Variants in GRIN3A observed in about 807,000 individuals in gnomAD.
GRIN3A encodes the protein glutamate receptor ionotropic, NMDA 3A.
Under a neutral mutation model 92.4 loss-of-function variants are expected in GRIN3A, and 47 were observed. That is an observed-to-expected ratio of 0.51 (90% CI 0.40 to 0.65). The LOEUF (loss-of-function observed/expected upper bound fraction) is 0.65. GRIN3A is among the 30% of genes least tolerant of loss of function. GRIN3A has a pLI of 0.00. For synonymous variants in GRIN3A, 527 were observed against 540.6 expected, an observed-to-expected ratio of 0.97 and a Z score of 0.35; for missense variants, 1,324 against 1,393.1, an observed-to-expected ratio of 0.95 and a Z score of 0.79.
At chr9:101,693,039 C>A (rs1829639791) in intron 1 of GRIN3A, among the ~76,000 whole-genome samples, 1 of 151,768 alleles carries the variant, frequency 6.6e-6, no homozygotes, top group Non-Finnish European at 1.5e-5. Context: ...AATGATCATC[C>A]CCCTTTAATA....
At chr9:101,665,796 T>A (rs1564139269) in intron 3 of GRIN3A, among the ~76,000 whole-genome samples, 1 of 151,886 alleles carries the variant, frequency 6.6e-6, no homozygotes, top group Non-Finnish European at 1.5e-5. Context: ...TTTTGAAAAA[T>A]ACTCAAAAAA....
chr9:101,670,609 C>T lies in GRIN3A; in HGVS notation c.1803G>A (p.Gly601=). The T allele has an allele frequency of 6.2e-7, 1 of 1,614,048 alleles. No individual in the cohort carries two copies. The highest frequency in any genetic ancestry group is 8.5e-7 in the Non-Finnish European group (1 of 1,179,970). Residue 601 remains glycine (G), a synonymous_variant, in exon 3 of 9, where the codon GGG becomes GGA. Transcript: ENST00000361820. ...TTTTCCATGCTCCATACTTTCCATC[C>T]CCTACAATATAGAGGTCGAAGTCAA... ...MNFDFDLYIV[G]DGKYGAWKNG...
At chr9:101,656,936 G>C (rs368248875) in intron 3 of GRIN3A, among the ~76,000 whole-genome samples, 33 of 151,844 alleles carry the variant, frequency 2.2e-4, no homozygotes, top group African/African-American at 7.5e-4. Flanking sequence ...CTGATAATTT[G>C]TGTCTTCTCC....
At chr9:101,590,675 C>T (rs576514158) in intron 6 of GRIN3A, among the ~76,000 whole-genome samples, 33 of 152,176 alleles carry the variant, frequency 2.2e-4, no homozygotes, top group African/African-American at 7.0e-4. Context: ...CCACCGCGCC[C>T]GGCCAACACT....
intron 3 of GRIN3A, among the ~76,000 whole-genome samples, chr9:101,655,351 G>T (rs1422998572): frequency 1.3e-5 from 2 of 151,852 alleles, no homozygotes; most frequent in Non-Finnish European, 1.5e-5. Flanking sequence ...TATTTGACCT[G>T]CAAGATATTC....
intron 1 of GRIN3A, among the ~76,000 whole-genome samples, chr9:101,717,906 C>A (rs889125928): frequency 6.6e-6 from 1 of 152,148 alleles, no homozygotes; most frequent in Non-Finnish European, 1.5e-5. Flanking sequence ...CTATTTATTA[C>A]AAAATCAATT....
At chr9:101,678,769 A>G (rs1829432429) in intron 2 of GRIN3A, among the ~76,000 whole-genome samples, 1 of 152,158 alleles carries the variant, frequency 6.6e-6, no homozygotes, top group South Asian at 2.1e-4. Context: ...TTGCTACATC[A>G]AGAAGTCATA....
rs1827782775 is a variant in GRIN3A, at chr9:101,573,199, C to T, written c.3323G>A (p.Arg1108Lys). 6.2e-7 allele frequency: 1 copy of T among 1,614,072 alleles called. No homozygotes were observed. The highest frequency in any genetic ancestry group is 8.5e-7 in the Non-Finnish European group (1 of 1,179,962). ...SRKTELEEYQ[R>K]TSRTCES ...CTAGGACTCACAAGTCCGACTTGTC[C>T]TTTGATACTCCTCCAGCTCCGTTTT... The change falls in exon 9 of 9, where the codon AGG (arginine) becomes AAG (lysine). Residue 1108 changes from arginine (R) to lysine (K), a missense_variant. By Grantham distance (26) the Arg-to-Lys change is conservative. Coordinates refer to ENST00000361820, the MANE Select transcript of GRIN3A (RefSeq NM_133445.3).
intron 6 of GRIN3A, among the ~76,000 whole-genome samples, chr9:101,605,709 A>T (rs1828272306): frequency 6.6e-6 from 1 of 152,196 alleles, no homozygotes; most frequent in Non-Finnish European, 1.5e-5. Context: ...CCTGCTGCGC[A>T]CTTCCCCTGA....
intron 1 of GRIN3A, among the ~76,000 whole-genome samples, chr9:101,718,431 G>A (rs1829972865): frequency 6.6e-6 from 1 of 152,166 alleles, no homozygotes; most frequent in Non-Finnish European, 1.5e-5. Context: ...GCATATGCTT[G>A]GAATAGTATT....
Position 101,570,089 on chromosome 9 carries a change from A to G in GRIN3A, c.*3085T>C, listed in dbSNP as rs879268066. 2 of 152,090 alleles carry G rather than the reference A, an allele frequency of 1.3e-5. No homozygotes were observed. The highest frequency in any genetic ancestry group is 2.9e-5 in the Non-Finnish European group (2 of 68,034). 9.4% of individuals were successfully genotyped at this position (152,090 alleles called of 1,614,324 possible). A position where few individuals can be genotyped will look rare whatever the true frequency, so the allele number is the denominator to read the frequency against. On this transcript the variant is annotated 3_prime_UTR_variant, in exon 9 of 9. Coordinates refer to ENST00000361820, the MANE Select transcript of GRIN3A (RefSeq NM_133445.3). ...GCTGCTTCACTTGGCTGTCCTGGTT[A>G]TTCTTCCAATTTGTTTTTAAATTTT... is the stretch of plus-strand genomic sequence containing the variant.
intron 6 of GRIN3A, chr9:101,594,017 A>G: frequency 5.8e-6 from 1 of 173,380 alleles, no homozygotes; most frequent in South Asian, 1.6e-4. Flanking sequence ...AAAACAGTTC[A>G]CCTAACACCC....
At chr9:101,710,404 A>G (rs769448213) in intron 1 of GRIN3A, among the ~76,000 whole-genome samples, 2 of 152,224 alleles carry the variant, frequency 1.3e-5, no homozygotes, top group Non-Finnish European at 2.9e-5. Context: ...AATACTGGTA[A>G]TCTTTTGCAG....
At chr9:101,712,761 A>C (rs1829895264) in intron 1 of GRIN3A, among the ~76,000 whole-genome samples, 2 of 152,242 alleles carry the variant, frequency 1.3e-5, no homozygotes, top group Non-Finnish European at 2.9e-5. Context: ...AGAATAAAAA[A>C]TATGAGATCG....
rs140158501 is a variant in GRIN3A, at chr9:101,670,536, G to A, written c.1876C>T (p.His626Tyr). 4.3e-6 allele frequency: 7 copies of A among 1,613,612 alleles called. No homozygotes were observed. In the African/African-American group the frequency reaches 6.7e-5, roughly 15 times the overall value. Residue 626 changes from histidine to tyrosine, a missense_variant, in exon 3 of 9, where the codon CAC becomes TAC. Coordinates refer to ENST00000361820, the MANE Select transcript of GRIN3A (RefSeq NM_133445.3). ...LVGDLLRGTA[H>Y]MAVTSFSINT... ...ATGCTAAAGGAAGTGACTGCCATGT[G>A]GGCAGTCCCTCTCAGGAGATCACCC...
intron 6 of GRIN3A, among the ~76,000 whole-genome samples, chr9:101,606,403 C>A (rs1028844665): frequency 2.0e-5 from 3 of 152,136 alleles, no homozygotes; most frequent in African/African-American, 7.2e-5. Context: ...GTCTTCCAGG[C>A]AGGTCACTGT....
chr9:101,635,064 A>T (rs1828767413), intron 3 of GRIN3A, among the ~76,000 whole-genome samples: 1 of 152,226 alleles, frequency 6.6e-6, no homozygotes, highest in Non-Finnish European at 1.5e-5. Context: ...CTTCCACAGA[A>T]GCTGCTTCCT....
At chr9:101,595,865 A>G (rs17189562) in intron 6 of GRIN3A, among the ~76,000 whole-genome samples, 22,628 of 152,188 alleles carry the variant, frequency 0.15, 2,120 homozygotes, top group Non-Finnish European at 0.21. Flanking sequence ...AATGTGCCCA[A>G]AGAAGCCTTT....
At chr9:101,632,010 C>T (rs543931339) in intron 3 of GRIN3A, among the ~76,000 whole-genome samples, 1 of 152,326 alleles carries the variant, frequency 6.6e-6, no homozygotes, top group South Asian at 2.1e-4. Flanking sequence ...CTCACATGGC[C>T]TCTAAGGTTC....
Sources: gnomAD v4.1 joint callset for allele counts (sites outside exome capture counted in the v4.1 genomes callset) on GRCh38, gnomAD v4.1.1 for gene constraint, MANE v1.5 for transcripts, NCBI Gene and HGNC (gene_info 2026-07-23, HGNC 2026-07-21) for gene names.